The following RAB40C variants were observed in gnomAD, a reference collection of about 807,000 sequenced individuals.
The protein encoded by RAB40C is RAB40C, member RAS oncogene family, also known as ras-related protein Rab-40C.
RAB40C carries 8 observed loss-of-function variants against 28.1 expected under a neutral mutation model. The observed-to-expected ratio is 0.28, with a 90% confidence interval of 0.17 to 0.51. The LOEUF (loss-of-function observed/expected upper bound fraction) is 0.51. Ranked by LOEUF, RAB40C falls within the 20% of genes least tolerant of loss-of-function variation. The pLI is 0.97. For synonymous variants in RAB40C, 201 were observed against 171.7 expected (o/e 1.17, Z -1.34); for missense variants, 288 against 405.9 (o/e 0.71, Z 2.50).
Position 617,234 on chromosome 16 carries a change from C to T in RAB40C, c.169C>T (p.Leu57=), listed in dbSNP as rs1447063329. The T allele has an allele frequency of 1.9e-6, 3 of 1,614,000 alleles. No individual in the cohort carries two copies. Among genetic ancestry groups the T allele is most frequent in the Non-Finnish European group, 2.5e-6 (3 of 1,180,028 alleles). The change falls in exon 2 of 6, where the codon CTG becomes TTG. Residue 57 remains leucine (L), a synonymous_variant. Transcript: ENST00000248139. ...GATCGACTACAAGACCACCACCATC[C>T]TGCTGGACGGCCGGCGCGTGAAGCT... The part of the protein sequence containing the change: ...NGIDYKTTTI[L]LDGRRVKLEL...
chr16:613,564 G>A (rs2036526991), intron 1 of RAB40C, among the ~76,000 whole-genome samples: 1 of 152,242 alleles, frequency 6.6e-6, no homozygotes, highest in African/African-American at 2.4e-5. Context: ...GTGGTGGCTT[G>A]GATGGGTTTC....
Position 626,009 on chromosome 16 carries a change from C to T in RAB40C, c.453C>T (p.Thr151=), listed in dbSNP as rs773206784. 7 of 1,613,394 alleles carry T rather than the reference C, an allele frequency of 4.3e-6. No homozygotes were observed. The highest frequency in any genetic ancestry group is 1.1e-5 in the South Asian group (1 of 91,090). ...ARAYAEKNCM[T]FFEVSPLCNF... ...CGTACGCAGAGAAGAACTGCATGAC[C>T]TTCTTTGAGGTCAGCCCCCTGTGCA... Residue 151 remains threonine, a synonymous_variant, in exon 5 of 6, where the codon ACC becomes ACT. Transcript: ENST00000248139.
intron 3 of RAB40C, among the ~76,000 whole-genome samples, chr16:621,921 G>A (rs1214381938): frequency 1.3e-5 from 2 of 152,292 alleles, no homozygotes; most frequent in South Asian, 2.1e-4. Flanking sequence ...ACAGGTGGGC[G>A]GGTGGATGTG....
rs567650635 is a variant in RAB40C at position 600,867 on chromosome 16, G to T, written c.142+10434G>T. ...GTTTTGCCTGTGGGGAAACAGAAAG[G>T]TTTTGACTCCAGTCTCTGTCTTCTG... On this transcript the variant is annotated intron_variant, in intron 1 of 5. Transcript: ENST00000248139. Among the ~76,000 whole-genome samples, 40 of 152,350 alleles carry T rather than the reference G, an allele frequency of 2.6e-4. No homozygotes were observed. In the Middle Eastern group the frequency reaches 0.017, roughly 65 times the overall value.
chr16:618,282 C>G lies in RAB40C; in HGVS notation c.264+22C>G, dbSNP rs1390361190. 2.5e-6 allele frequency: 4 copies of G among 1,591,138 alleles called. No homozygotes were observed. In the Admixed American group the frequency reaches 5.5e-5, roughly 22 times the overall value. On this transcript the variant is annotated intron_variant, in intron 3 of 5. Coordinates refer to ENST00000248139, the MANE Select transcript of RAB40C (RefSeq NM_021168.5). ...TCAGGTAAGACCAGCACCGCTCTTT[C>G]CATTGCTTTTCAAAGGATGTTTCTC...
At chr16:602,754 T>C (rs953458134) in intron 1 of RAB40C, among the ~76,000 whole-genome samples, 5 of 152,134 alleles carry the variant, frequency 3.3e-5, no homozygotes, top group Non-Finnish European at 2.9e-5. Context: ...TTTTGTAGAA[T>C]TGAGGTCTTG....
intron 3 of RAB40C, chr16:623,975 G>A (rs1567194627): frequency 9.1e-6 from 9 of 985,268 alleles, no homozygotes; most frequent in Non-Finnish European, 1.1e-5. Context: ...TGGGACCTGC[G>A]TTCTTACCTC....
intron 1 of RAB40C, among the ~76,000 whole-genome samples, chr16:595,525 G>T (rs571339447): frequency 6.6e-6 from 1 of 152,204 alleles, no homozygotes; most frequent in East Asian, 1.9e-4. Context: ...CCTCAGGCCC[G>T]GGATGACCCT....
At chr16:593,588 C>A (rs1481571085) in intron 1 of RAB40C, among the ~76,000 whole-genome samples, 1 of 152,250 alleles carries the variant, frequency 6.6e-6, no homozygotes, top group Non-Finnish European at 1.5e-5. Context: ...TCTTGTCTGG[C>A]ATGTTCCTCA....
At chr16:604,447 T>C (rs535632837) in intron 1 of RAB40C, among the ~76,000 whole-genome samples, 91 of 152,114 alleles carry the variant, frequency 6.0e-4, no homozygotes, top group African/African-American at 2.2e-3. Flanking sequence ...CTCTAGAATA[T>C]ATGTGAGTCC....
chr16:607,651 C>T (rs534735445), intron 1 of RAB40C, among the ~76,000 whole-genome samples: 29 of 152,032 alleles, frequency 1.9e-4, no homozygotes, highest in South Asian at 6.2e-4. Context: ...ATTAGGCAGG[C>T]GCGGTGGTGG....
chr16:597,639 A>G (rs2036156633), intron 1 of RAB40C, among the ~76,000 whole-genome samples: 1 of 151,878 alleles, frequency 6.6e-6, no homozygotes, highest in African/African-American at 2.4e-5. Context: ...GGCATGCACC[A>G]CCACACCTGG....
chr16:624,223 G>A (rs908111883), intron 3 of RAB40C: 3 of 985,406 alleles, frequency 3.0e-6, no homozygotes, highest in Non-Finnish European at 3.6e-6. Context: ...TGCCACTAGG[G>A]AGAGTGGGCT....
chr16:599,983 G>A (rs1214703264), intron 1 of RAB40C, among the ~76,000 whole-genome samples: 85 of 104,894 alleles, frequency 8.1e-4, no homozygotes, highest in African/African-American at 2.8e-3. Flanking sequence ...GCGTGGATTC[G>A]CAAGGTTTTG....
chr16:590,412 T>G lies in RAB40C; in HGVS notation c.121T>G (p.Ser41Ala). The change falls in exon 1 of 6, where the codon TCC (serine) becomes GCC (alanine). Residue 41 changes from serine to alanine, a missense_variant. Ser to Ala is a moderately conservative substitution (Grantham distance 99). Coordinates refer to ENST00000248139, the MANE Select transcript of RAB40C (RefSeq NM_021168.5). ...LESLQDGAAE[S>A]PYAYSNGIDY... ...GAGCCTGCAGGACGGCGCGGCAGAG[T>G]CCCCGTACGCCTACAGTAACGGTAA... 6.3e-7 allele frequency: 1 copy of G among 1,589,832 alleles called. No individual in the cohort carries two copies. The highest frequency in any genetic ancestry group is 8.5e-7 in the Non-Finnish European group (1 of 1,170,446).
rs112536311 is a variant in RAB40C at position 597,739 on chromosome 16, T to G, written c.142+7306T>G. Among the ~76,000 whole-genome samples the G allele has an allele frequency of 4.0e-5, 6 of 151,670 alleles. 1 individual carries two copies. The highest frequency in any genetic ancestry group is 1.4e-4 in the African/African-American group (6 of 41,406). ...TCTGACTTCAAGCAATCCGCCCGCC[T>G]CAGCTTCCCAAAGTTGGTGGAATTA... On this transcript the variant is annotated intron_variant, in intron 1 of 5. Coordinates refer to ENST00000248139, the MANE Select transcript of RAB40C (RefSeq NM_021168.5).
intron 1 of RAB40C, among the ~76,000 whole-genome samples, chr16:605,113 T>G (rs534178210): frequency 2.6e-5 from 4 of 152,280 alleles, no homozygotes; most frequent in Non-Finnish European, 5.9e-5. Flanking sequence ...TAGTCTTAGC[T>G]ACTCAGGAGG....
chr16:604,400 G>A (rs1404482861), intron 1 of RAB40C, among the ~76,000 whole-genome samples: 2 of 152,158 alleles, frequency 1.3e-5, no homozygotes, highest in African/African-American at 2.4e-5. Flanking sequence ...TTCTGAAGGT[G>A]TTTCTCTAGA....
intron 3 of RAB40C, among the ~76,000 whole-genome samples, chr16:621,907 G>A (rs2036725072): frequency 6.6e-6 from 1 of 152,194 alleles, no homozygotes; most frequent in Non-Finnish European, 1.5e-5. Flanking sequence ...TGGCTTGTCG[G>A]CACACAGGTG....
Sources: allele counts gnomAD v4.1 joint callset (sites outside exome capture counted in the v4.1 genomes callset), GRCh38; gene constraint gnomAD v4.1.1; transcripts MANE v1.5; gene names NCBI Gene and HGNC (gene_info 2026-07-23, HGNC 2026-07-21).